FOXP2: variants seen among roughly 807,000 people sequenced by gnomAD.
FOXP2 encodes forkhead box protein P2.
In FOXP2, 12 loss-of-function variants were observed where a neutral mutation model predicts 115.8. That is an observed-to-expected ratio of 0.10 (90% CI 0.07 to 0.17). The LOEUF (loss-of-function observed/expected upper bound fraction) is 0.17. Ranked by LOEUF, FOXP2 falls within the 10% of genes least tolerant of loss-of-function variation. FOXP2 has a pLI of 1.00. For missense variants in FOXP2, 629 were observed against 843.5 expected (o/e 0.75, Z 3.15); for synonymous variants, 328 against 297.7 (o/e 1.10, Z -1.05).
chr7:114,192,474 A>G (rs1180734755), intron 1 of FOXP2, among the ~76,000 whole-genome samples: 1 of 152,112 alleles, frequency 6.6e-6, no homozygotes, highest in African/African-American at 2.4e-5. Context: ...GTTTGTGTTT[A>G]TGTCAGTTCA....
chr7:114,590,061 A>G (rs1802367810), intron 3 of FOXP2, among the ~76,000 whole-genome samples: 1 of 152,148 alleles, frequency 6.6e-6, no homozygotes, highest in Non-Finnish European at 1.5e-5. Flanking sequence ...ACAAATATTC[A>G]TGATCATCTA....
chr7:114,160,399 C>A (rs972685557), upstream of FOXP2, among the ~76,000 whole-genome samples: 2 of 151,982 alleles, frequency 1.3e-5, no homozygotes, highest in Non-Finnish European at 2.9e-5. Flanking sequence ...TATCTCATGA[C>A]TAGTTTTAGT....
At chr7:114,111,668 A>G (rs932470465) in intron 1 of FOXP2, among the ~76,000 whole-genome samples, 3 of 152,044 alleles carry the variant, frequency 2.0e-5, no homozygotes, top group Non-Finnish European at 4.4e-5. Context: ...AGATAATTTA[A>G]TAGTAATTTT....
At position 114,299,132 on chromosome 7, in the gene FOXP2, A is replaced by G. The variant is rs544439071; in HGVS notation, c.-11+11023A>G. Among the ~76,000 whole-genome samples, 49 of 152,266 alleles carry G rather than the reference A, an allele frequency of 3.2e-4. 1 individual carries two copies. In the South Asian group the frequency reaches 0.01, roughly 32 times the overall value. The stretch of plus-strand genomic sequence containing the variant: ...AAAATATACTAAAACTTAATTTGCA[A>G]TCTTAAAAATATACTGCTCAAGGTA... On this transcript the variant is annotated intron_variant, in intron 2 of 17. Transcript: ENST00000634411.
intron 1 of FOXP2, among the ~76,000 whole-genome samples, chr7:114,424,811 TG>T (rs957537419): frequency 7.9e-5 from 12 of 151,618 alleles, no homozygotes; most frequent in Non-Finnish European, 1.3e-4. Context: ...TGTTTTCTGT[TG>T]TTTTTTTATT....
At chr7:114,521,165 G>C (rs1443991993) in intron 2 of FOXP2, among the ~76,000 whole-genome samples, 1 of 152,106 alleles carries the variant, frequency 6.6e-6, no homozygotes, top group Admixed American at 6.6e-5. Context: ...ACTAAAGATA[G>C]ATGTACATGG....
chr7:114,271,503 TTAA>T (rs1414266447), intron 1 of FOXP2, among the ~76,000 whole-genome samples: 1 of 132,590 alleles, frequency 7.5e-6, no homozygotes, highest in Non-Finnish European at 1.6e-5. Flanking sequence ...TATAAATATA[TTAA>T]TAATATAATA....
intron 1 of FOXP2, among the ~76,000 whole-genome samples, chr7:114,177,098 G>GTATTT (rs1418717168): frequency 6.6e-5 from 10 of 151,920 alleles, no homozygotes; most frequent in Admixed American, 5.2e-4. Flanking sequence ...TTCTATTTGG[G>GTATTT]GGCATTTTGG....
chr7:114,358,776 T>C (rs1037194732), intron 2 of FOXP2, among the ~76,000 whole-genome samples: 1 of 152,150 alleles, frequency 6.6e-6, no homozygotes, highest in Non-Finnish European at 1.5e-5. Context: ...AGCAAAGTGT[T>C]CAAGAGGTGA....
At chr7:114,563,831 T>C (rs1800870429) in intron 3 of FOXP2, among the ~76,000 whole-genome samples, 1 of 152,206 alleles carries the variant, frequency 6.6e-6, no homozygotes, top group Non-Finnish European at 1.5e-5. Context: ...GTTTCTACTG[T>C]CTTTCTAGTG....
At chr7:114,417,508 G>A (rs1015286766) in intron 1 of FOXP2, among the ~76,000 whole-genome samples, 4 of 151,898 alleles carry the variant, frequency 2.6e-5, no homozygotes, top group African/African-American at 9.7e-5. Context: ...TTAATTGCAA[G>A]TCCTGTAATG....
rs199581885 is a variant in FOXP2 at position 114,664,446 on chromosome 7, G to A, written c.2003+10G>A. Reference sequence around the variant, plus strand: ...CACCTCAGCCGCACATGTAAGTGTGGTTAACAGACTCTCTAAAGGGAAGAA... The same window carrying A: ...CACCTCAGCCGCACATGTAAGTGTGATTAACAGACTCTCTAAAGGGAAGAA... On this transcript the variant is annotated intron_variant, in intron 16 of 16. Coordinates refer to ENST00000350908, the MANE Select transcript of FOXP2 (RefSeq NM_014491.4). The A allele has an allele frequency of 6.2e-7, 1 of 1,613,070 alleles. No homozygotes were observed. The highest frequency in any genetic ancestry group is 1.3e-5 in the African/African-American group (1 of 74,870).
At chr7:114,167,334 G>A (rs1372395170) in intron 1 of FOXP2, among the ~76,000 whole-genome samples, 1 of 152,184 alleles carries the variant, frequency 6.6e-6, no homozygotes, top group Non-Finnish European at 1.5e-5. Context: ...GCTATATGAA[G>A]TGGCTGCATA....
intron 3 of FOXP2, among the ~76,000 whole-genome samples, chr7:114,590,072 C>T (rs924753956): frequency 3.9e-5 from 6 of 152,024 alleles, no homozygotes; most frequent in Non-Finnish European, 8.8e-5. Context: ...TGATCATCTA[C>T]CATGTACATG....
chr7:114,289,068 T>C (rs1167470846), intron 2 of FOXP2, among the ~76,000 whole-genome samples: 3 of 151,960 alleles, frequency 2.0e-5, no homozygotes, highest in Admixed American at 1.3e-4. Context: ...CTCTGAGAGA[T>C]TTTTGTCAAT....
At chr7:114,102,742 T>C (rs1031287079) in intron 1 of FOXP2, among the ~76,000 whole-genome samples, 86 of 128,132 alleles carry the variant, frequency 6.7e-4, no homozygotes, top group African/African-American at 2.7e-3. Context: ...ACCCCAATGG[T>C]TATTCATATA....
intron 1 of FOXP2, among the ~76,000 whole-genome samples, chr7:114,425,267 A>C (rs893103351): frequency 1.3e-5 from 2 of 151,628 alleles, no homozygotes; most frequent in Non-Finnish European, 3.0e-5. Flanking sequence ...TTGAGTGATA[A>C]GTTTACTGTC....
At chr7:114,087,540 G>A (rs1170858099), upstream of FOXP2, among the ~76,000 whole-genome samples, 1 of 151,746 alleles carries the variant, frequency 6.6e-6, no homozygotes, top group Admixed American at 6.6e-5. Context: ...CTGTTACCTG[G>A]AAGTCCACAG....
intron 2 of FOXP2, among the ~76,000 whole-genome samples, chr7:114,363,597 G>A (rs905332847): frequency 2.6e-5 from 4 of 152,064 alleles, no homozygotes; most frequent in African/African-American, 9.7e-5. Flanking sequence ...CCAAGAGGGG[G>A]TGGCAGCTAA....
Sources: gnomAD v4.1 joint callset for allele counts (sites outside exome capture counted in the v4.1 genomes callset) on GRCh38, gnomAD v4.1.1 for gene constraint, MANE v1.5 for transcripts, NCBI Gene and HGNC (gene_info 2026-07-23, HGNC 2026-07-21) for gene names.